PLA2G4A: variants seen among roughly 807,000 people sequenced by gnomAD.
PLA2G4A encodes phospholipase A2 group IVA.
A neutral mutation model predicts 81.9 loss-of-function variants in PLA2G4A; 40 were observed. The observed-to-expected ratio is 0.49, with a 90% CI of 0.38 to 0.64. PLA2G4A has a LOEUF of 0.64. PLA2G4A is among the 30% of genes least tolerant of loss of function. The probability of loss-of-function intolerance (pLI) is 0.00; values close to 1 mark genes in which losing one functional copy is unlikely to be tolerated. For synonymous variants in PLA2G4A, 302 were observed against 296.9 expected (o/e 1.02, Z -0.18); for missense variants, 715 against 905.1 (o/e 0.79, Z 2.69).
At chr1:186,963,812 A>G (rs1238364899) in intron 14 of PLA2G4A, among the ~76,000 whole-genome samples, 2 of 152,234 alleles carry the variant, frequency 1.3e-5, no homozygotes, top group African/African-American at 4.8e-5. Context: ...TTAAAGTATT[A>G]ATAACTATGC....
intron 3 of PLA2G4A, among the ~76,000 whole-genome samples, chr1:186,875,108 G>C (rs1278838739): frequency 6.6e-6 from 1 of 152,006 alleles, no homozygotes; most frequent in Non-Finnish European, 1.5e-5. Context: ...AGCTGATGTA[G>C]ACATTGCTGA....
intron 1 of PLA2G4A, among the ~76,000 whole-genome samples, chr1:186,851,338 G>T (rs1652363956): frequency 6.6e-6 from 1 of 151,966 alleles, no homozygotes; most frequent in Admixed American, 6.6e-5. Context: ...GGAGCTTTAT[G>T]TGGACCATCA....
rs1044438259 is a variant in PLA2G4A, at chr1:186,987,071, C to T, written c.2119-1306C>T. Among the ~76,000 whole-genome samples the T allele has an allele frequency of 5.3e-5, 8 of 152,302 alleles. No individual in the cohort carries two copies. The East Asian group carries it at 7.7e-4, about 15-fold the overall frequency. ...GCTCCCTTTTTCCAAAATCTGACTG[C>T]GTTTTTAAAGTTACTATTAGAGAAT... On this transcript the variant is annotated intron_variant, in intron 17 of 17. Coordinates refer to ENST00000367466, the MANE Select transcript of PLA2G4A (RefSeq NM_024420.3).
chr1:186,840,201 C>T (rs1651930255), intron 1 of PLA2G4A, among the ~76,000 whole-genome samples: 1 of 151,798 alleles, frequency 6.6e-6, no homozygotes, highest in Admixed American at 6.6e-5. Flanking sequence ...AAATGTTATA[C>T]TCTATAAAGG....
At chr1:186,865,250 A>G (rs1652983682) in intron 2 of PLA2G4A, among the ~76,000 whole-genome samples, 1 of 151,876 alleles carries the variant, frequency 6.6e-6, no homozygotes, top group African/African-American at 2.4e-5. Context: ...TATGTTCCAA[A>G]TTAGGTGTTT....
At chr1:186,988,088 T>C (rs1555205) in intron 17 of PLA2G4A, among the ~76,000 whole-genome samples, 148,699 of 152,258 alleles carry the variant, frequency 0.98, 72,623 homozygotes, top group East Asian at 1. Flanking sequence ...ACCAACATAA[T>C]TTTACCATGC....
rs967051881 is a variant in PLA2G4A, at chr1:186,871,713, A to G, written c.115+1197A>G. Among the ~76,000 whole-genome samples, 38 of 152,112 alleles carry G rather than the reference A, an allele frequency of 2.5e-4. 1 individual carries two copies. The highest frequency in any genetic ancestry group is 1.5e-5 in the Non-Finnish European group (1 of 68,022). On this transcript the variant is annotated intron_variant, in intron 3 of 17. Coordinates refer to ENST00000367466, the MANE Select transcript of PLA2G4A (RefSeq NM_024420.3). ...AGGATGATAAGCCCTGGTAAGACAA[A>G]GACTTAGGACTGAGATTTTTTCATT...
chr1:186,885,047 G>T (rs1327992105), intron 3 of PLA2G4A, among the ~76,000 whole-genome samples: 4 of 152,194 alleles, frequency 2.6e-5, no homozygotes, highest in Admixed American at 2.6e-4. Flanking sequence ...GCAGAGCTTT[G>T]TCAACCTCAA....
In PLA2G4A at chr1:186,836,252, A is replaced by G. The variant is rs115744038; in HGVS notation, c.-70+7217A>G. 5.4e-3 allele frequency among the ~76,000 whole-genome samples: 816 copies of G among 151,096 alleles called. 14 individuals carry two copies. The highest frequency in any genetic ancestry group is 0.019 in the African/African-American group (792 of 41,332). On this transcript the variant is annotated intron_variant, in intron 1 of 17. Coordinates refer to ENST00000367466, the MANE Select transcript of PLA2G4A (RefSeq NM_024420.3). ...TAATCAATATGAATTAATTCAGGTA[A>G]ATCATTAGTTATTCAATACACCATA... is the stretch of plus-strand genomic sequence containing the variant.
intron 5 of PLA2G4A, among the ~76,000 whole-genome samples, chr1:186,906,212 C>T (rs534479315): frequency 5.3e-5 from 8 of 152,292 alleles, no homozygotes; most frequent in East Asian, 1.9e-4. Context: ...TCATAGCTAA[C>T]GCCAGGGATA....
At chr1:186,855,149 T>G (rs1456708422) in intron 2 of PLA2G4A, among the ~76,000 whole-genome samples, 1 of 151,986 alleles carries the variant, frequency 6.6e-6, no homozygotes, top group East Asian at 1.9e-4. Flanking sequence ...AATGTCTTCT[T>G]CCTGTCCATT....
chr1:186,882,943 A>G (rs1653793050), intron 3 of PLA2G4A, among the ~76,000 whole-genome samples: 1 of 152,146 alleles, frequency 6.6e-6, no homozygotes, highest in Non-Finnish European at 1.5e-5. Context: ...AGATGACATC[A>G]TTAAATAAAA....
At chr1:186,904,104 C>T (rs1028985988) in intron 5 of PLA2G4A, among the ~76,000 whole-genome samples, 90 of 152,280 alleles carry the variant, frequency 5.9e-4, no homozygotes, top group African/African-American at 1.9e-3. Context: ...TTATCTCCTC[C>T]AGTTCTCCAC....
At chr1:186,967,653 A>G (rs1657177536) in intron 15 of PLA2G4A, among the ~76,000 whole-genome samples, 1 of 152,150 alleles carries the variant, frequency 6.6e-6, no homozygotes, top group Admixed American at 6.6e-5. Context: ...GGGGATAAAT[A>G]TAAGAATAGA....
intron 3 of PLA2G4A, among the ~76,000 whole-genome samples, chr1:186,872,483 T>C (rs924428418): frequency 1.3e-5 from 2 of 152,114 alleles, no homozygotes; most frequent in African/African-American, 4.8e-5. Context: ...AATACAGCTA[T>C]TATCTGTTAG....
At chr1:186,830,960 T>C (rs868139628) in intron 1 of PLA2G4A, among the ~76,000 whole-genome samples, 59 of 33,780 alleles carry the variant, frequency 1.7e-3, no homozygotes, top group African/African-American at 4.8e-3. Context: ...CTTGCTTGCT[T>C]TCTTTCTTTC....
chr1:186,892,338 C>A (rs184011707), intron 3 of PLA2G4A, among the ~76,000 whole-genome samples: 1 of 152,100 alleles, frequency 6.6e-6, no homozygotes, highest in East Asian at 1.9e-4. Context: ...GTTGTCTGTG[C>A]CTGTGTGGTA....
chr1:186,837,736 C>CAAAAAAAAAAAAAAAAA (rs750655561), intron 1 of PLA2G4A, among the ~76,000 whole-genome samples: 4 of 55,224 alleles, frequency 7.2e-5, no homozygotes, highest in African/African-American at 1.5e-4. Flanking sequence ...GACTCCGTCT[C>CAAAAAAAAAAAAAAAAA]AAAAAAAAAA....
chr1:186,918,868 G>T (rs983337372), intron 7 of PLA2G4A, among the ~76,000 whole-genome samples: 5 of 152,210 alleles, frequency 3.3e-5, no homozygotes, highest in African/African-American at 1.2e-4. Flanking sequence ...AGCATGGGGG[G>T]CCTTTATATT....
Sources: gnomAD v4.1 joint callset for allele counts (sites outside exome capture counted in the v4.1 genomes callset) on GRCh38, gnomAD v4.1.1 for gene constraint, MANE v1.5 for transcripts, NCBI Gene and HGNC (gene_info 2026-07-23, HGNC 2026-07-21) for gene names.